The following IFT140 variants were observed in gnomAD, a reference collection of about 807,000 sequenced individuals.
IFT140 encodes intraflagellar transport protein 140 homolog.
A neutral mutation model predicts 164.6 loss-of-function variants in IFT140; 133 were observed. The observed-to-expected ratio is 0.81, with a 90% CI of 0.70 to 0.93. The LOEUF is 0.93. Among genes scored for constraint, IFT140 ranks in the 40% least tolerant of loss-of-function variants. The probability of loss-of-function intolerance (pLI) is 0.00; values close to 1 mark genes in which losing one functional copy is unlikely to be tolerated. For missense variants in IFT140, 2,045 were observed against 1,972.3 expected, an observed-to-expected ratio of 1.04 and a Z score of -0.70; for synonymous variants, 860 against 817.3, an observed-to-expected ratio of 1.05 and a Z score of -0.89.
chr16:1,544,153 G>C (rs1423141021), intron 19 of IFT140, among the ~76,000 whole-genome samples: 1 of 149,928 alleles, frequency 6.7e-6, no homozygotes. Flanking sequence ...GTGTAGGTGG[G>C]ATTGCAGGCA....
chr16:1,553,118 T>C lies in IFT140; in HGVS notation c.2399+4817A>G. 2.0e-6 allele frequency: 2 copies of C among 985,402 alleles called. No individual in the cohort carries two copies. The highest frequency in any genetic ancestry group is 2.4e-6 in the Non-Finnish European group (2 of 829,928). 61.0% of individuals were successfully genotyped at this position (985,402 alleles called of 1,614,324 possible). ...TCATACTTTCTGGAGGGTACAGTGA[T>C]GATGAAAAGATAATGCTTGGGTTTT... On this transcript the variant is annotated intron_variant, in intron 19 of 30. Transcript: ENST00000426508. This position sits in a 1 kb window ranked among gnomAD's most constrained non-coding sequence, Gnocchi z 4.4.
At chr16:1,546,303 C>T (rs550528733) in intron 19 of IFT140, among the ~76,000 whole-genome samples, 6 of 152,342 alleles carry the variant, frequency 3.9e-5, no homozygotes, top group East Asian at 1.9e-4. Flanking sequence ...TGGCACTCTC[C>T]GGTGCCTGAG....
At chr16:1,544,248 A>G (rs2031940381) in intron 19 of IFT140, among the ~76,000 whole-genome samples, 1 of 149,996 alleles carries the variant, frequency 6.7e-6, no homozygotes, top group Non-Finnish European at 1.5e-5. Context: ...CCGTGGCACA[A>G]TCTCGGCTCA....
intron 21 of IFT140, among the ~76,000 whole-genome samples, chr16:1,525,610 G>A (rs1476978266): frequency 6.6e-6 from 1 of 152,230 alleles, no homozygotes; most frequent in Non-Finnish European, 1.5e-5. Flanking sequence ...TCTGTCCTCA[G>A]GAGACATCAG....
chr16:1,574,015 C>T (rs1049036908), intron 13 of IFT140, among the ~76,000 whole-genome samples: 2 of 152,258 alleles, frequency 1.3e-5, no homozygotes, highest in Non-Finnish European at 2.9e-5. Flanking sequence ...TGCCTGCTGC[C>T]GCCACAGGTA....
chr16:1,579,073 G>T (rs1046162676), intron 13 of IFT140, among the ~76,000 whole-genome samples: 1 of 152,146 alleles, frequency 6.6e-6, no homozygotes, highest in Non-Finnish European at 1.5e-5. Flanking sequence ...TTGACAACAA[G>T]ACTTACCAAT....
intron 19 of IFT140, among the ~76,000 whole-genome samples, chr16:1,549,958 C>A (rs950680944): frequency 2.0e-5 from 3 of 152,154 alleles, no homozygotes; most frequent in African/African-American, 7.2e-5. Flanking sequence ...TATCTACATT[C>A]TGAGTCTTTT....
chr16:1,584,519 C>T, intron 10 of IFT140, 99 bp from the exon 11 acceptor site: 1 of 899,740 alleles, frequency 1.1e-6, no homozygotes, highest in Non-Finnish European at 1.7e-6. Flanking sequence ...ACTCAGAAAC[C>T]ATTTCCAAGT....
At chr16:1,595,819 G>A (rs185462579) in intron 4 of IFT140, among the ~76,000 whole-genome samples, 10 of 152,108 alleles carry the variant, frequency 6.6e-5, no homozygotes, top group Admixed American at 3.3e-4. Flanking sequence ...TTGGGAGACC[G>A]AGGTGAACAG....
intron 4 of IFT140, among the ~76,000 whole-genome samples, chr16:1,599,788 A>G (rs199920703): frequency 1.6e-5 from 1 of 61,724 alleles, no homozygotes; most frequent in Non-Finnish European, 2.8e-5. Context: ...TGGGGGTGTC[A>G]GCCCCCCGCC....
At chr16:1,534,375 ACGCTGGAGGATGGGCGCAGG>A in intron 19 of IFT140, 1 of 1,612,862 alleles carries the variant, frequency 6.2e-7, no homozygotes, top group Non-Finnish European at 8.5e-7. Flanking sequence ...GGTGTGCCAG[ACGCTGGAGGATGGGCGCAGG>A]CGCAGCGTGG....
intron 2 of IFT140, among the ~76,000 whole-genome samples, chr16:1,607,912 T>A (rs1287556297): frequency 6.6e-6 from 1 of 152,260 alleles, no homozygotes; most frequent in African/African-American, 2.4e-5. Flanking sequence ...CCCAAAGTGC[T>A]GGGATTACAG....
chr16:1,566,869 C>T (rs1233136830), intron 15 of IFT140, among the ~76,000 whole-genome samples: 4 of 152,138 alleles, frequency 2.6e-5, no homozygotes, highest in African/African-American at 9.7e-5. Flanking sequence ...CCTGGCGGCA[C>T]CTGCTCACCT....
At chr16:1,557,300 G>A (rs1036794475) in intron 19 of IFT140, among the ~76,000 whole-genome samples, 1 of 152,194 alleles carries the variant, frequency 6.6e-6, no homozygotes, top group Non-Finnish European at 1.5e-5. Context: ...TGAAGGATTG[G>A]CCATGCTGCT....
Position 1,520,234 on chromosome 16 carries a change from A to T in IFT140, c.3770T>A (p.Leu1257Gln), listed in dbSNP as rs1470679979. Residue 1257 changes from leucine (L) to glutamine (Q), a missense_variant, in exon 28 of 31, where the codon CTG (leucine) becomes CAG (glutamine). Physicochemically the swap from Leu to Gln is moderately radical, Grantham distance 113. Transcript: ENST00000426508. ...YIMAANYLQS[L>Q]DWRKEPEIMK... ...GATCTCCGGCTCCTTCCGCCAGTCC[A>T]GGGACTGCAGGTAGTTAGCAGCCAT... 1 of 1,614,222 alleles carries T rather than the reference A, an allele frequency of 6.2e-7. No individual in the cohort carries two copies. Among genetic ancestry groups the T allele is most frequent in the South Asian group, 1.1e-5 (1 of 91,086 alleles).
At chr16:1,558,978 C>T (rs554554727) in intron 18 of IFT140, among the ~76,000 whole-genome samples, 2 of 152,246 alleles carry the variant, frequency 1.3e-5, no homozygotes, top group Non-Finnish European at 2.9e-5. Flanking sequence ...CGAGACGGCA[C>T]TTGGCCTGGG....
At chr16:1,524,953 G>C in intron 22 of IFT140, 37 bp from the exon 23 acceptor site, 1 of 1,579,624 alleles carries the variant, frequency 6.3e-7, no homozygotes, top group Non-Finnish European at 8.6e-7. Context: ...CTCCACCCGA[G>C]CCCCGCTCCA....
At position 1,564,048 on chromosome 16, in the gene IFT140, G is replaced by C. The variant is rs374253461; in HGVS notation, c.2016C>G (p.Ser672=). 7.5e-6 allele frequency: 12 copies of C among 1,600,090 alleles called. No homozygotes were observed. The African/African-American group carries it at 9.4e-5, about 13-fold the overall frequency. ...VCEAVQETPR[S]QPQSANGQPQ... Reference sequence around the variant, plus strand: ...GCTGCCCGTTTGCAGACTGAGGCTGGGAGCGCGGCGTCTCCTGCACGGCTT... The same window carrying C: ...GCTGCCCGTTTGCAGACTGAGGCTGCGAGCGCGGCGTCTCCTGCACGGCTT... Residue 672 remains serine (S), a synonymous_variant, in exon 17 of 31, where the codon TCC becomes TCG. Transcript: ENST00000426508. This position sits in a 1 kb window ranked among gnomAD's most constrained non-coding sequence, Gnocchi z 5.5.
At chr16:1,528,173 TCAGA>T (rs770867472) in intron 19 of IFT140, among the ~76,000 whole-genome samples, 1 of 151,996 alleles carries the variant, frequency 6.6e-6, no homozygotes, top group Non-Finnish European at 1.5e-5. Flanking sequence ...GCTCAGGGCT[TCAGA>T]CAAAGGCCCT....
Sources: gnomAD v4.1 joint callset for allele counts (sites outside exome capture counted in the v4.1 genomes callset) on GRCh38, gnomAD v4.1.1 for gene constraint, Gnocchi (gnomAD v3.1) non-coding constraint, MANE v1.5 for transcripts, NCBI Gene and HGNC (gene_info 2026-07-23, HGNC 2026-07-21) for gene names.